HLCS: variants seen among roughly 807,000 people sequenced by gnomAD.
HLCS encodes the protein holocarboxylase synthetase, also known as biotin--protein ligase.
A neutral mutation model predicts 75.0 loss-of-function variants in HLCS; 53 were observed. The observed-to-expected ratio is 0.71, with a 90% CI of 0.57 to 0.89. The LOEUF (loss-of-function observed/expected upper bound fraction) is 0.89, where lower values mean the gene tolerates loss of function less well. HLCS is among the 40% of genes least tolerant of loss of function. The pLI is 0.00. For missense variants in HLCS, 966 were observed against 1,074.0 expected (o/e 0.90, Z 1.41); for synonymous variants, 431 against 428.6 (o/e 1.01, Z -0.07).
In HLCS at chr21:36,841,141, C is replaced by T. The variant is rs182821201; in HGVS notation, c.1892+55719G>A. On this transcript the variant is annotated intron_variant, in intron 6 of 10. Coordinates refer to ENST00000674895, the MANE Select transcript of HLCS (RefSeq NM_001352514.2). Reference sequence around the variant, plus strand: ...CCTTTTGGAAGCATTTAGTTCTTTTCCATCTTACAGCCATAAATTAAAGGT... The same window carrying T: ...CCTTTTGGAAGCATTTAGTTCTTTTTCATCTTACAGCCATAAATTAAAGGT... 4.6e-3 allele frequency among the ~76,000 whole-genome samples: 698 copies of T among 152,262 alleles called. 1 individual carries two copies. The highest frequency in any genetic ancestry group is 7.1e-3 in the Non-Finnish European group (481 of 68,030).
At chr21:36,929,814 T>C (rs2146490996) in intron 5 of HLCS, among the ~76,000 whole-genome samples, 1 of 152,320 alleles carries the variant, frequency 6.6e-6, no homozygotes, top group Admixed American at 6.5e-5. Flanking sequence ...TCCGTGGGCA[T>C]TTTCCTGTCA....
chr21:36,973,082 T>C (rs1354948926), intron 1 of HLCS, among the ~76,000 whole-genome samples: 1 of 151,630 alleles, frequency 6.6e-6, no homozygotes, highest in Non-Finnish European at 1.5e-5. Flanking sequence ...TTTTTTAAAT[T>C]AGCCAAGCAT....
intron 5 of HLCS, among the ~76,000 whole-genome samples, chr21:36,914,977 A>G (rs1027675543): frequency 2.0e-5 from 3 of 152,278 alleles, no homozygotes; most frequent in African/African-American, 7.2e-5. Flanking sequence ...GCCCATAGGC[A>G]GCCCTGCCTG....
intron 6 of HLCS, among the ~76,000 whole-genome samples, chr21:36,855,629 G>A (rs551103405): frequency 2.6e-5 from 4 of 151,698 alleles, no homozygotes; most frequent in Non-Finnish European, 5.9e-5. Context: ...TGTCCAGGCT[G>A]GAAATGGCAC....
chr21:36,803,140 G>A (rs999596488), intron 6 of HLCS, among the ~76,000 whole-genome samples: 1 of 152,210 alleles, frequency 6.6e-6, no homozygotes. Context: ...CACACTACTA[G>A]GTCCACAAAG....
Position 36,966,425 on chromosome 21 carries a change from G to GGGCCCCCCCC in HLCS, c.195+18_195+19insGGGGGGGGCC. 9 of 195,436 alleles carry GGGCCCCCCCC rather than the reference G, an allele frequency of 4.6e-5. No individual in the cohort carries two copies. Among genetic ancestry groups the GGGCCCCCCCC allele is most frequent in the Non-Finnish European group, 6.9e-5 (8 of 116,688 alleles). 12.1% of individuals were successfully genotyped at this position (195,436 alleles called of 1,614,324 possible). ...CCGGCTCGCGGGGCCCGGGTCGCCC[G>GGGCCCCCCCC]CCCGCCCGACCCGCCCACCTGGCTG... On this transcript the variant is annotated intron_variant, in intron 1 of 10. Coordinates refer to ENST00000674895, the MANE Select transcript of HLCS (RefSeq NM_001352514.2).
chr21:36,980,114 G>C (rs991162191), intron 1 of HLCS, among the ~76,000 whole-genome samples: 1 of 147,232 alleles, frequency 6.8e-6, no homozygotes. Flanking sequence ...CTTGAGCCCA[G>C]GAGTTCAAGG....
intron 6 of HLCS, among the ~76,000 whole-genome samples, chr21:36,877,640 T>TG (rs1056932605): frequency 6.6e-6 from 1 of 152,126 alleles, no homozygotes; most frequent in Non-Finnish European, 1.5e-5. Context: ...ATATGTGTGT[T>TG]GGGGGAGTAT....
chr21:36,900,841 C>T (rs1170263708), intron 5 of HLCS, among the ~76,000 whole-genome samples: 1 of 152,112 alleles, frequency 6.6e-6, no homozygotes, highest in African/African-American at 2.4e-5. Flanking sequence ...AAAAAGAGCC[C>T]AAGATTTCTG....
chr21:36,988,883 C>T (rs79345691), intron 1 of HLCS, among the ~76,000 whole-genome samples: 1,619 of 152,160 alleles, frequency 0.011, 37 homozygotes, highest in African/African-American at 0.037. Context: ...TCTTTGCTTC[C>T]CTCAATGTTT....
intron 6 of HLCS, among the ~76,000 whole-genome samples, chr21:36,821,662 T>A (rs1322320170): frequency 1.3e-5 from 2 of 152,224 alleles, no homozygotes; most frequent in Middle Eastern, 6.3e-3. Flanking sequence ...GGAATCTCAG[T>A]TATGTCTATA....
rs200128461 is a variant in HLCS, at chr21:36,988,992, AT to A, written c.-393+1165del. Among the ~76,000 whole-genome samples, 52 of 149,192 alleles carry A rather than the reference AT, an allele frequency of 3.5e-4. No homozygotes were observed. The East Asian group carries it at 8.4e-3, about 24-fold the overall frequency. On this transcript the variant is annotated intron_variant, in intron 1 of 11. Transcript: ENST00000336648. The stretch of plus-strand genomic sequence containing the variant: ...ATCTGTCTTTAATCAATGGTAGGGG[AT>A]TTTTTTTTCTTTTTCCTTTTAATTT...
Position 36,754,082 on chromosome 21 carries a change from A to G in HLCS, c.*164T>C. 2 of 807,956 alleles carry G rather than the reference A, an allele frequency of 2.5e-6. No individual in the cohort carries two copies. Among genetic ancestry groups the G allele is most frequent in the Non-Finnish European group, 3.9e-6 (2 of 512,682 alleles). The allele number at this position is 807,956 out of a possible 1,614,324, so 50.0% of individuals were successfully genotyped here. Reference sequence around the variant, plus strand: ...CTATCCCAGAGCCTCTTCAAACACCAAAGAAAACGACAACAAAACAAACCT... The same window carrying G: ...CTATCCCAGAGCCTCTTCAAACACCGAAGAAAACGACAACAAAACAAACCT... On this transcript the variant is annotated 3_prime_UTR_variant, in exon 11 of 11. Transcript: ENST00000674895.
rs555899861 is a variant in HLCS, at chr21:36,983,818, C to T, written c.-393+6340G>A. Among the ~76,000 whole-genome samples, 39 of 150,520 alleles carry T rather than the reference C, an allele frequency of 2.6e-4. No homozygotes were observed. The South Asian group carries it at 6.4e-3, about 25-fold the overall frequency. On this transcript the variant is annotated intron_variant, in intron 1 of 11. Transcript: ENST00000336648. ...TGTCACTGCACTCAAGCCTGGGTGA[C>T]GCAGAGAGACTCCGTCTCAAAAAAA...
chr21:36,936,964 C>A lies in HLCS; in HGVS notation c.922G>T (p.Ala308Ser), dbSNP rs563710186. The change falls in exon 4 of 11, where the codon GCA becomes TCA. Residue 308 changes from alanine to serine, a missense_variant. Physicochemically the swap from Ala to Ser is moderately conservative, Grantham distance 99 (BLOSUM62 1). Transcript: ENST00000674895. ...EGRRVNLTGK[A>S]PNILLYVGSD... Reference sequence around the variant, plus strand: ...CCCACATAGAGGAGGATGTTGGGTGCCTTTCCCGTGAGGTTGACTCTCCTC... The same window carrying A: ...CCCACATAGAGGAGGATGTTGGGTGACTTTCCCGTGAGGTTGACTCTCCTC... 1 of 1,614,096 alleles carries A rather than the reference C, an allele frequency of 6.2e-7. No homozygotes were observed. Among genetic ancestry groups the A allele is most frequent in the South Asian group, 1.1e-5 (1 of 91,066 alleles).
intron 5 of HLCS, among the ~76,000 whole-genome samples, chr21:36,900,045 C>T (rs2065171857): frequency 1.3e-5 from 2 of 152,012 alleles, no homozygotes; most frequent in African/African-American, 2.4e-5. Context: ...GCAGAGGTTG[C>T]AGTGAGCCAA....
Position 36,756,324 on chromosome 21 carries a change from G to A in HLCS, c.2450+218C>T, listed in dbSNP as rs370093636. 3.3e-5 allele frequency among the ~76,000 whole-genome samples: 5 copies of A among 151,984 alleles called. No individual in the cohort carries two copies. In the East Asian group the frequency reaches 9.7e-4, roughly 29 times the overall value. On this transcript the variant is annotated intron_variant, in intron 10 of 10. Transcript: ENST00000674895. ...GTGGCGGCGGGCACCTGTAGTCCCAGCTACTCAGGTGACTGAGACGAGAGA... is the reference window on the plus strand; with the variant it reads ...GTGGCGGCGGGCACCTGTAGTCCCAACTACTCAGGTGACTGAGACGAGAGA...
chr21:36,907,305 A>G (rs2065502098), intron 5 of HLCS, among the ~76,000 whole-genome samples: 2 of 152,236 alleles, frequency 1.3e-5, no homozygotes, highest in Admixed American at 1.3e-4. Flanking sequence ...ATAAAAGGAA[A>G]AAAGTGATAA....
At chr21:36,827,184 A>T (rs1053019379) in intron 6 of HLCS, among the ~76,000 whole-genome samples, 2 of 152,144 alleles carry the variant, frequency 1.3e-5, no homozygotes, top group East Asian at 3.9e-4. Flanking sequence ...TTTTGGGAGT[A>T]AAAAAGGATG....
Sources: allele counts gnomAD v4.1 joint callset (sites outside exome capture counted in the v4.1 genomes callset), GRCh38; gene constraint gnomAD v4.1.1; transcripts MANE v1.5; gene names NCBI Gene and HGNC (gene_info 2026-07-23, HGNC 2026-07-21).